GPR160: variants seen among roughly 807,000 people sequenced by gnomAD.
GPR160 encodes G protein-coupled receptor 160.
GPR160 carries 2 observed loss-of-function variants against 2.6 expected under a neutral mutation model. The observed-to-expected ratio is 0.77, with a 90% CI of 0.32 to 2.44. GPR160 has a LOEUF of 2.44. Ranked by LOEUF, GPR160 falls within the 30% of genes most tolerant of loss-of-function variation. The pLI, the probability that GPR160 is intolerant of heterozygous loss-of-function variation, is 0.11. For synonymous variants in GPR160, 130 were observed against 132.2 expected (o/e 0.98, Z 0.12); for missense variants, 351 against 383.6 (o/e 0.91, Z 0.71).
intron 2 of GPR160, among the ~76,000 whole-genome samples, chr3:170,040,921 T>G (rs901313660): frequency 1.3e-5 from 2 of 151,268 alleles, no homozygotes; most frequent in East Asian, 1.9e-4. Flanking sequence ...TGGTAACACA[T>G]TTTTTTTAAG....
At chr3:170,052,230 T>A (rs1716989363) in intron 2 of GPR160, among the ~76,000 whole-genome samples, 1 of 152,226 alleles carries the variant, frequency 6.6e-6, no homozygotes, top group African/African-American at 2.4e-5. Context: ...TTGGCCGACC[T>A]GTTTTAATTA....
intron 2 of GPR160, among the ~76,000 whole-genome samples, chr3:170,056,788 T>C (rs1427770554): frequency 6.6e-6 from 1 of 152,214 alleles, no homozygotes; most frequent in Non-Finnish European, 1.5e-5. Context: ...TGGAGAATGA[T>C]TGGCACTGTG....
chr3:170,063,857 A>T (rs1162723037), intron 2 of GPR160, among the ~76,000 whole-genome samples: 1 of 152,140 alleles, frequency 6.6e-6, no homozygotes, highest in Non-Finnish European at 1.5e-5. Flanking sequence ...GCGGGCCGGC[A>T]TAGATTTCCT....
chr3:170,052,081 A>G (rs1004440821), intron 2 of GPR160, among the ~76,000 whole-genome samples: 3 of 152,184 alleles, frequency 2.0e-5, no homozygotes, highest in African/African-American at 4.8e-5. Flanking sequence ...GCACGCCACC[A>G]TGCTCAGCTA....
At chr3:170,052,674 T>C (rs1459527906) in intron 2 of GPR160, among the ~76,000 whole-genome samples, 3 of 152,248 alleles carry the variant, frequency 2.0e-5, no homozygotes, top group Non-Finnish European at 2.9e-5. Flanking sequence ...AAGCATTTTC[T>C]CCCAGTCTGT....
intron 3 of GPR160, among the ~76,000 whole-genome samples, chr3:170,082,576 A>C (rs1350156273): frequency 6.6e-6 from 1 of 151,886 alleles, no homozygotes; most frequent in East Asian, 1.9e-4. Context: ...GGGATACTCA[A>C]CCTGTGTTTC....
rs778624684 is a variant in GPR160, at chr3:170,062,974, A to T, written c.-192-16800A>T. On this transcript the variant is annotated intron_variant, in intron 2 of 3. Transcript: ENST00000355897. Reference sequence around the variant, plus strand: ...ACGCCACGGGACCCCTCCATGGTGGATCTCCGTGGATCTCCACAGTAAGCC... The same window carrying T: ...ACGCCACGGGACCCCTCCATGGTGGTTCTCCGTGGATCTCCACAGTAAGCC... The T allele has an allele frequency of 1.2e-5, 3 of 249,990 alleles. No homozygotes were observed. The East Asian group carries it at 3.3e-4, about 28-fold the overall frequency. 15.5% of individuals were successfully genotyped at this position (249,990 alleles called of 1,614,324 possible).
chr3:170,084,609 A>G lies in GPR160; in HGVS notation c.637A>G (p.Ile213Val). 2 of 1,612,502 alleles carry G rather than the reference A, an allele frequency of 1.2e-6. No individual in the cohort carries two copies. The highest frequency in any genetic ancestry group is 1.7e-6 in the Non-Finnish European group (2 of 1,178,588). Residue 213 changes from isoleucine to valine, a missense_variant, in exon 4 of 4, where the codon ATA becomes GTA. Physicochemically the swap from Ile to Val is conservative, Grantham distance 29. Coordinates refer to ENST00000355897, the MANE Select transcript of GPR160 (RefSeq NM_014373.3). The stretch of plus-strand genomic sequence containing the variant: ...TACTACTTTGGTACAGGCTATCAGG[A>G]TAACTTCCTATATGAATGAAACTAT... ...EVTTLVQAIRITSYMNETILY... is the reference protein window; with the variant it reads ...EVTTLVQAIRVTSYMNETILY...
rs1183082679 is a variant in GPR160 at position 170,038,584 on chromosome 3, GT to G, written c.-321-329del. On this transcript the variant is annotated intron_variant, in intron 1 of 3. Transcript: ENST00000355897. This position sits in a 1 kb window ranked among gnomAD's most constrained non-coding sequence, Gnocchi z 5.3. Reference sequence around the variant, plus strand: ...TTTTAAACATGACAAACCCAGCAAGGTTATAGAAATGGGTGTATGCAACTCT... The same window carrying G: ...TTTTAAACATGACAAACCCAGCAAGGTATAGAAATGGGTGTATGCAACTCT... 7 of 152,140 alleles carry G rather than the reference GT, an allele frequency of 4.6e-5. No individual in the cohort carries two copies. The highest frequency in any genetic ancestry group is 8.8e-5 in the Non-Finnish European group (6 of 68,056). 9.4% of individuals were successfully genotyped at this position (152,140 alleles called of 1,614,324 possible). A position where few individuals can be genotyped will look rare whatever the true frequency, so the allele number is the denominator to read the frequency against.
chr3:170,070,625 G>C lies in GPR160; in HGVS notation c.-192-9149G>C, dbSNP rs1712543439. Among the ~76,000 whole-genome samples, 3 of 152,184 alleles carry C rather than the reference G, an allele frequency of 2.0e-5. No individual in the cohort carries two copies. In the South Asian group the frequency reaches 6.2e-4, roughly 32 times the overall value. Reference sequence around the variant, plus strand: ...TTAGCACAGGAACGGCAGGAGAAAGGCTTCTTGGCCAGTACTTAAGTTTAA... The same window carrying C: ...TTAGCACAGGAACGGCAGGAGAAAGCCTTCTTGGCCAGTACTTAAGTTTAA... On this transcript the variant is annotated intron_variant, in intron 2 of 3. Coordinates refer to ENST00000355897, the MANE Select transcript of GPR160 (RefSeq NM_014373.3).
In GPR160 at chr3:170,084,517, G is replaced by A; in HGVS notation, c.545G>A (p.Ser182Asn). ...TGTCCTTTCTATGTCAGCATTCAGA[G>A]TTACTGGCTGTCATTTTTCATGGTG... ...RHCPFYVSIQ[S>N]YWLSFFMVMI... The change falls in exon 4 of 4, where the codon AGT becomes AAT. Residue 182 changes from serine to asparagine, a missense_variant. Physicochemically the swap from Ser to Asn is conservative, Grantham distance 46. Coordinates refer to ENST00000355897, the MANE Select transcript of GPR160 (RefSeq NM_014373.3). 6.2e-7 allele frequency: 1 copy of A among 1,612,552 alleles called. No individual in the cohort carries two copies. The highest frequency in any genetic ancestry group is 2.2e-5 in the East Asian group (1 of 44,846).
chr3:170,051,824 T>G (rs1013943100), intron 2 of GPR160, among the ~76,000 whole-genome samples: 4 of 152,238 alleles, frequency 2.6e-5, no homozygotes, highest in African/African-American at 9.6e-5. Context: ...AAAAAAAGTT[T>G]TAAATTTTGA....
At chr3:170,043,861 T>C (rs1576886129) in intron 2 of GPR160, among the ~76,000 whole-genome samples, 1 of 151,306 alleles carries the variant, frequency 6.6e-6, no homozygotes. Flanking sequence ...CCCTAACGAT[T>C]CCCAACGGCA....
intron 2 of GPR160, among the ~76,000 whole-genome samples, chr3:170,054,304 C>T (rs373713134): frequency 6.6e-6 from 1 of 152,014 alleles, no homozygotes; most frequent in Admixed American, 6.6e-5. Flanking sequence ...TCTTCTGAAG[C>T]ACAAGTTCAA....
At chr3:170,056,407 AG>A (rs1711644974) in intron 2 of GPR160, among the ~76,000 whole-genome samples, 1 of 152,256 alleles carries the variant, frequency 6.6e-6, no homozygotes, top group African/African-American at 2.4e-5. Flanking sequence ...TGGAGGAAGC[AG>A]GGGACATAAT....
intron 2 of GPR160, among the ~76,000 whole-genome samples, chr3:170,071,531 G>A (rs1243152617): frequency 6.6e-6 from 1 of 152,110 alleles, no homozygotes; most frequent in Admixed American, 6.5e-5. Context: ...AGTGGCTGAC[G>A]CCTGTAATCC....
chr3:170,065,873 A>G (rs1179688799), intron 2 of GPR160, among the ~76,000 whole-genome samples: 3 of 152,042 alleles, frequency 2.0e-5, no homozygotes, highest in South Asian at 2.1e-4. Context: ...TGAAGTCTTC[A>G]TCTCATTCAT....
intron 2 of GPR160, among the ~76,000 whole-genome samples, chr3:170,046,797 C>A (rs988182974): frequency 6.6e-6 from 1 of 152,078 alleles, no homozygotes; most frequent in African/African-American, 2.4e-5. Context: ...CCTTTGGCTG[C>A]CTGTTTCAGG....
At chr3:170,044,289 A>C (rs1412830653) in intron 2 of GPR160, among the ~76,000 whole-genome samples, 2 of 128,398 alleles carry the variant, frequency 1.6e-5, no homozygotes, top group African/African-American at 6.0e-5. Context: ...ACGCCATTGC[A>C]CTCCAGCCTG....
Sources: gnomAD v4.1 joint callset for allele counts (sites outside exome capture counted in the v4.1 genomes callset) on GRCh38, gnomAD v4.1.1 for gene constraint, Gnocchi (gnomAD v3.1) non-coding constraint, MANE v1.5 for transcripts, NCBI Gene and HGNC (gene_info 2026-07-23, HGNC 2026-07-21) for gene names.